Variants in MCTP1 observed in about 807,000 individuals in gnomAD.
The protein encoded by MCTP1 is multiple C2 and transmembrane domain-containing protein 1.
A neutral mutation model predicts 120.6 loss-of-function variants in MCTP1; 69 were observed. The ratio of observed to expected loss-of-function variants is 0.57; its 90% CI spans 0.47 to 0.70. The LOEUF (loss-of-function observed/expected upper bound fraction) is 0.70, where lower values mean the gene tolerates loss of function less well. Ranked by LOEUF, MCTP1 falls within the 30% of genes least tolerant of loss-of-function variation. The probability of loss-of-function intolerance (pLI) is 0.00; values close to 1 mark genes in which losing one functional copy is unlikely to be tolerated. For synonymous variants in MCTP1, 529 were observed against 493.1 expected (o/e 1.07, Z -0.96); for missense variants, 1,203 against 1,248.8 (o/e 0.96, Z 0.55).
chr5:94,780,263 GTT>G, intron 18 of MCTP1, among the ~76,000 whole-genome samples: 1 of 5,576 alleles, frequency 1.8e-4, no homozygotes, highest in South Asian at 0.015. Flanking sequence ...CTCCTTTCCT[GTT>G]TTTGTTTTTT....
intron 18 of MCTP1, chr5:94,792,608 TCTGTTTCCTCACC>T (rs1386983782): frequency 6.6e-6 from 1 of 152,302 alleles, no homozygotes; most frequent in African/African-American, 2.4e-5. Flanking sequence ...CTGGTTCATT[TCTGTTTCCTCACC>T]CTTAGCCCAC....
At chr5:95,230,184 ATG>A (rs916006539) in intron 1 of MCTP1, among the ~76,000 whole-genome samples, 11 of 112,456 alleles carry the variant, frequency 9.8e-5, no homozygotes, top group Admixed American at 5.8e-4. Context: ...ACATACATAT[ATG>A]TGTGTGTGTA....
intron 19 of MCTP1, among the ~76,000 whole-genome samples, chr5:94,775,579 A>G (rs1775110423): frequency 6.6e-6 from 1 of 152,224 alleles, no homozygotes; most frequent in African/African-American, 2.4e-5. Context: ...GATGGTTCAG[A>G]GAATGCTCTA....
chr5:94,971,690 A>G (rs906400543), intron 2 of MCTP1, among the ~76,000 whole-genome samples: 1 of 152,200 alleles, frequency 6.6e-6, no homozygotes, highest in South Asian at 2.1e-4. Flanking sequence ...TTAAAATAAA[A>G]CAAGTTAAAA....
chr5:94,899,951 A>G (rs1482623126), intron 10 of MCTP1, among the ~76,000 whole-genome samples: 2 of 152,306 alleles, frequency 1.3e-5, no homozygotes, highest in South Asian at 4.1e-4. Context: ...AACTGGCTTA[A>G]GGCAAAAACC....
At chr5:94,885,195 AG>A (rs1272980708) in intron 12 of MCTP1, among the ~76,000 whole-genome samples, 1 of 151,928 alleles carries the variant, frequency 6.6e-6, no homozygotes, top group Non-Finnish European at 1.5e-5. Flanking sequence ...TACAGTGAAA[AG>A]GTAGGACATC....
intron 11 of MCTP1, among the ~76,000 whole-genome samples, chr5:94,889,670 CGTT>C (rs1802106817): frequency 6.6e-6 from 1 of 151,594 alleles, no homozygotes. Flanking sequence ...AGAATGGAAA[CGTT>C]GATGCTGCAT....
chr5:95,270,176 A>G (rs1252754230), intron 1 of MCTP1, among the ~76,000 whole-genome samples: 2 of 152,158 alleles, frequency 1.3e-5, no homozygotes. Context: ...AAAAGTTGCT[A>G]GTTACTTGGG....
chr5:94,831,328 G>A (rs926713352), intron 17 of MCTP1, among the ~76,000 whole-genome samples: 2 of 152,144 alleles, frequency 1.3e-5, no homozygotes, highest in African/African-American at 4.8e-5. Flanking sequence ...ATTATGTTCT[G>A]GTTTATCCAA....
chr5:94,779,044 G>T, intron 19 of MCTP1, 66 bp downstream of exon 19: 1 of 1,407,406 alleles, frequency 7.1e-7, no homozygotes, highest in Non-Finnish European at 1.0e-6. Flanking sequence ...TTAACTGTCT[G>T]TGAAAACAGT....
intron 1 of MCTP1, among the ~76,000 whole-genome samples, chr5:95,067,058 A>G (rs1489976129): frequency 1.4e-5 from 2 of 147,562 alleles, no homozygotes; most frequent in Non-Finnish European, 3.0e-5. Context: ...GAGACCATGG[A>G]CCGGTACCAA....
intron 7 of MCTP1, among the ~76,000 whole-genome samples, chr5:94,922,597 T>G (rs2153461814): frequency 6.6e-6 from 1 of 152,278 alleles, no homozygotes; most frequent in East Asian, 1.9e-4. Flanking sequence ...CAAGCAATTC[T>G]CCTGCCTCAG....
chr5:94,867,268 A>G, intron 17 of MCTP1: 1 of 1,519,944 alleles, frequency 6.6e-7, no homozygotes, highest in South Asian at 1.2e-5. Context: ...TTAGGGAGAC[A>G]ACAACACGTC....
At chr5:94,987,599 C>G (rs1581711826) in intron 2 of MCTP1, among the ~76,000 whole-genome samples, 1 of 152,116 alleles carries the variant, frequency 6.6e-6, no homozygotes, top group African/African-American at 2.4e-5. Context: ...AAAAATACTT[C>G]ATGGGTAAAA....
chr5:94,714,608 T>C (rs147244061), intron 20 of MCTP1, among the ~76,000 whole-genome samples, 169 bp downstream of exon 20: 91 of 152,316 alleles, frequency 6.0e-4, no homozygotes, highest in African/African-American at 1.6e-3. Flanking sequence ...GACAGAACTT[T>C]CATAAAGCCA....
chr5:95,221,906 T>C (rs1210664464), intron 1 of MCTP1, among the ~76,000 whole-genome samples: 6 of 152,196 alleles, frequency 3.9e-5, no homozygotes, highest in African/African-American at 1.4e-4. Context: ...GAACATACCG[T>C]CAAACTTTAT....
At chr5:94,857,591 G>A (rs1262333063) in intron 17 of MCTP1, among the ~76,000 whole-genome samples, 1 of 151,608 alleles carries the variant, frequency 6.6e-6, no homozygotes, top group Non-Finnish European at 1.5e-5. Flanking sequence ...TTTTCATACT[G>A]ATACAAACTT....
chr5:95,283,810 G>A (rs1760517123), intron 1 of MCTP1, 46 bp downstream of exon 1: 2 of 1,313,876 alleles, frequency 1.5e-6, no homozygotes. Context: ...GAAGAGGGAG[G>A]CGTGGTCCCG....
At chr5:95,116,446 T>G (rs189907714) in intron 1 of MCTP1, among the ~76,000 whole-genome samples, 1 of 152,312 alleles carries the variant, frequency 6.6e-6, no homozygotes, top group African/African-American at 2.4e-5. Flanking sequence ...TCTTGTGGTA[T>G]AGTTTGAAGT....
Sources: allele counts gnomAD v4.1 joint callset (sites outside exome capture counted in the v4.1 genomes callset), GRCh38; gene constraint gnomAD v4.1.1; transcripts MANE v1.5; gene names NCBI Gene and HGNC (gene_info 2026-07-23, HGNC 2026-07-21).